The following MKKS variants were observed in gnomAD, a reference collection of about 807,000 sequenced individuals.
The protein encoded by MKKS is molecular chaperone MKKS.
In MKKS, 29 loss-of-function variants were observed where a neutral mutation model predicts 33.2. That is an observed-to-expected ratio of 0.87 (90% CI 0.65 to 1.19). MKKS has a LOEUF of 1.19. Among genes scored for constraint, MKKS ranks in the 50% most tolerant of loss-of-function variants. The pLI is 0.00. For missense variants in MKKS, 661 were observed against 662.3 expected (o/e 1.00, Z 0.02); for synonymous variants, 260 against 244.0 (o/e 1.07, Z -0.61).
Position 10,412,643 on chromosome 20 carries a change from A to G in MKKS, c.872T>C (p.Val291Ala). 6.2e-7 allele frequency: 1 copy of G among 1,614,158 alleles called. No homozygotes were observed. Among genetic ancestry groups the G allele is most frequent in the Non-Finnish European group, 8.5e-7 (1 of 1,180,016 alleles). Residue 291 changes from valine to alanine, a missense_variant, in exon 3 of 6, where the codon GTC becomes GCC. By Grantham distance (64) the Val-to-Ala change is moderately conservative. Coordinates refer to ENST00000347364, the MANE Select transcript of MKKS (RefSeq NM_170784.3). ...RQLISDHVDLVLCQKVIHPSL... is the reference protein window; with the variant it reads ...RQLISDHVDLALCQKVIHPSL... Reference sequence around the variant, plus strand: ...TGGATGTATAACTTTTTGGCACAGGACAAGATCTACGTGGTCACTGATTAG... The same window carrying G: ...TGGATGTATAACTTTTTGGCACAGGGCAAGATCTACGTGGTCACTGATTAG...
At chr20:10,431,948 C>CGT (rs58779661) in intron 1 of MKKS, 1,966 of 152,000 alleles carry the variant, frequency 0.013, 28 homozygotes, top group African/African-American at 0.037. Flanking sequence ...TTCTCTAGCA[C>CGT]GTGATTCCTT....
At position 10,401,058 on chromosome 20, in the gene MKKS, A is replaced by G. The variant is rs2064809468; in HGVS notation, c.*4189T>C. The G allele has an allele frequency of 6.6e-6, 1 of 152,150 alleles. No individual in the cohort carries two copies. The highest frequency in any genetic ancestry group is 6.6e-5 in the Admixed American group (1 of 15,266). The allele number at this position is 152,150 out of a possible 1,614,324, so 9.4% of individuals were successfully genotyped here. A position where few individuals can be genotyped will look rare whatever the true frequency, so the allele number is the denominator to read the frequency against. On this transcript the variant is annotated 3_prime_UTR_variant, in exon 6 of 6. Coordinates refer to ENST00000347364, the MANE Select transcript of MKKS (RefSeq NM_170784.3). ...TATTATAAGTATTTTCTCAAAGAGA[A>G]TTTTTAATAGGAGATTGTCAAGCTG...
At chr20:10,417,753 C>T (rs996380429) in intron 2 of MKKS, among the ~76,000 whole-genome samples, 4 of 151,772 alleles carry the variant, frequency 2.6e-5, no homozygotes, top group African/African-American at 9.7e-5. Flanking sequence ...ATCTATTCCA[C>T]AGTACCATCC....
chr20:10,412,512 G>A lies in MKKS; in HGVS notation c.985+18C>T, dbSNP rs1334470851. On this transcript the variant is annotated intron_variant, in intron 3 of 5. Transcript: ENST00000347364. The stretch of plus-strand genomic sequence containing the variant: ...GATTTATTAACTGTAAGAGGCAAAA[G>A]CAAAGAGTGATTTTTACCTGTCATT... 3.7e-6 allele frequency: 6 copies of A among 1,611,524 alleles called. No homozygotes were observed. The highest frequency in any genetic ancestry group is 4.2e-6 in the Non-Finnish European group (5 of 1,179,348).
chr20:10,433,044 C>A (rs532961734), intron 1 of MKKS, among the ~76,000 whole-genome samples: 175 of 152,346 alleles, frequency 1.1e-3, no homozygotes, highest in African/African-American at 3.9e-3. Context: ...GTCTCTGTCG[C>A]CCAACCTGGA....
At chr20:10,406,913 T>G (rs1006447753) in intron 5 of MKKS, among the ~76,000 whole-genome samples, 1 of 152,188 alleles carries the variant, frequency 6.6e-6, no homozygotes, top group Non-Finnish European at 1.5e-5. Context: ...GTTTACCCAA[T>G]GAATCGATTG....
chr20:10,406,687 T>C (rs544919096), intron 5 of MKKS, among the ~76,000 whole-genome samples: 2 of 152,348 alleles, frequency 1.3e-5, no homozygotes, highest in East Asian at 3.9e-4. Context: ...ATATCTTAAC[T>C]GCTTAAAAAC....
chr20:10,427,026 A>T (rs1045481612), intron 1 of MKKS, among the ~76,000 whole-genome samples: 1 of 135,584 alleles, frequency 7.4e-6, no homozygotes, highest in Non-Finnish European at 1.6e-5. Flanking sequence ...AAAAGAAAAC[A>T]CTGACACACA....
rs764986689 is a variant in MKKS at position 10,405,232 on chromosome 20, G to A, written c.*15C>T. On this transcript the variant is annotated 3_prime_UTR_variant, in exon 6 of 6. Transcript: ENST00000347364. ...AGTTTATTTGTTTCTCTTGTAATAC[G>A]AACATGCTATTCTCTTAGTTTTTAT... 17 of 1,588,686 alleles carry A rather than the reference G, an allele frequency of 1.1e-5. No homozygotes were observed. In the South Asian group the frequency reaches 1.1e-4, roughly 11 times the overall value.
rs1019962845 is a variant in MKKS at position 10,405,848 on chromosome 20, C to T, written c.1273-161G>A. ...TGCTAACGGGCTTGTATGGGTCAGC[C>T]GGCCGGGTTGCAAACCCTTAACTAG... On this transcript the variant is annotated intron_variant, in intron 5 of 5. Transcript: ENST00000347364. Among the ~76,000 whole-genome samples the T allele has an allele frequency of 5.3e-5, 8 of 152,198 alleles. No individual in the cohort carries two copies. In the South Asian group the frequency reaches 8.3e-4, roughly 16 times the overall value.
chr20:10,430,904 T>C (rs1220241535), intron 1 of MKKS, among the ~76,000 whole-genome samples: 3 of 152,228 alleles, frequency 2.0e-5, no homozygotes, highest in African/African-American at 4.8e-5. Flanking sequence ...ACGCTGTTGG[T>C]CTGAAACAAC....
intron 1 of MKKS, among the ~76,000 whole-genome samples, chr20:10,433,160 C>T (rs886525239): frequency 6.6e-5 from 10 of 152,250 alleles, no homozygotes; most frequent in African/African-American, 2.4e-4. Flanking sequence ...TGCGCCACTG[C>T]GCCCGGCTCA....
In MKKS at chr20:10,403,827, T is replaced by C. The variant is rs2064824038; in HGVS notation, c.*1420A>G. 6.6e-6 allele frequency: 1 copy of C among 152,216 alleles called. No homozygotes were observed. 9.4% of individuals were successfully genotyped at this position (152,216 alleles called of 1,614,324 possible). A position where few individuals can be genotyped will look rare whatever the true frequency, so the allele number is the denominator to read the frequency against. ...TGTAATAATAAAAGGAGTAAAACTT[T>C]TGATAAATATTTTATGAGACTTCAG... On this transcript the variant is annotated 3_prime_UTR_variant, in exon 6 of 6. Coordinates refer to ENST00000347364, the MANE Select transcript of MKKS (RefSeq NM_170784.3).
rs1391906303 is a variant in MKKS at position 10,418,852 on chromosome 20, A to T, written c.-418+1676T>A. Among the ~76,000 whole-genome samples the T allele has an allele frequency of 2.0e-5, 3 of 152,078 alleles. No individual in the cohort carries two copies. In the East Asian group the frequency reaches 5.8e-4, roughly 29 times the overall value. On this transcript the variant is annotated intron_variant, in intron 2 of 5. Transcript: ENST00000347364. ...AGTCTGAAAGACTATATATATAAAA[A>T]TCCAGCACCTAATAAATTCTCTAAC...
intron 3 of MKKS, 23 bp from the exon 4 acceptor site, chr20:10,408,826 T>G (rs767360992): frequency 6.3e-7 from 1 of 1,586,994 alleles, no homozygotes; most frequent in Non-Finnish European, 8.6e-7. Flanking sequence ...GATTAGAAAA[T>G]ACAAGTTGTA....
chr20:10,405,634 TTC>T lies in MKKS; in HGVS notation c.1324_1325del (p.Glu442ThrfsTer6), dbSNP rs1568662850. 1 of 1,614,142 alleles carries T rather than the reference TTC, an allele frequency of 6.2e-7. No individual in the cohort carries two copies. The highest frequency in any genetic ancestry group is 8.5e-7 in the Non-Finnish European group (1 of 1,179,998). Reference protein sequence around the residue: ...ILKDDECTQTELQLIAEAFCS... With the variant: ...ILKDDECTQTXLQLIAEAFCS... ...AAAATGCTTCAGCAATTAATTGAAG[TTC>T]TGTTTGAGTACATTCATCATCTTTG... On this transcript the variant is annotated frameshift_variant, in exon 6 of 6. Coordinates refer to ENST00000347364, the MANE Select transcript of MKKS (RefSeq NM_170784.3). LOFTEE classifies it low-confidence loss of function (END_TRUNC).
At chr20:10,429,888 G>A (rs561515234) in intron 1 of MKKS, among the ~76,000 whole-genome samples, 1 of 152,278 alleles carries the variant, frequency 6.6e-6, no homozygotes, top group East Asian at 1.9e-4. Flanking sequence ...GACCTACTGA[G>A]TCAGAAACTC....
At position 10,413,673 on chromosome 20, in the gene MKKS, T is replaced by G. The variant is rs566532177; in HGVS notation, c.-159A>C. 1.3e-6 allele frequency: 1 copy of G among 749,010 alleles called. No homozygotes were observed. The highest frequency in any genetic ancestry group is 2.2e-6 in the Non-Finnish European group (1 of 455,892). 46.4% of individuals were successfully genotyped at this position (749,010 alleles called of 1,614,324 possible). On this transcript the variant is annotated 5_prime_UTR_variant, in exon 3 of 6. Transcript: ENST00000347364. The stretch of plus-strand genomic sequence containing the variant: ...ATAAAATCAAAAAGTTCAATGTTTA[T>G]GAAGCTAATCAGCATAGAATGATTT...
At chr20:10,409,906 G>T (rs369297042) in intron 3 of MKKS, among the ~76,000 whole-genome samples, 4 of 145,912 alleles carry the variant, frequency 2.7e-5, no homozygotes. Flanking sequence ...GGGGGGCAGA[G>T]GTTGCAGTGA....
Sources: allele counts gnomAD v4.1 joint callset (sites outside exome capture counted in the v4.1 genomes callset), GRCh38; gene constraint gnomAD v4.1.1; transcripts MANE v1.5; gene names NCBI Gene and HGNC (gene_info 2026-07-23, HGNC 2026-07-21).